Variants in PRDM10 observed in about 807,000 individuals in gnomAD.
The protein encoded by PRDM10 is PR/SET domain 10.
A neutral mutation model predicts 133.1 loss-of-function variants in PRDM10; 65 were observed. The ratio of observed to expected loss-of-function variants is 0.49; its 90% CI spans 0.40 to 0.60. The LOEUF (loss-of-function observed/expected upper bound fraction) is 0.60. PRDM10 is among the 20% of genes least tolerant of loss of function. PRDM10 has a pLI of 0.00. For missense variants in PRDM10, 1,137 were observed against 1,507.1 expected (o/e 0.75, Z 4.07); for synonymous variants, 582 against 580.4 (o/e 1.00, Z -0.04).
rs1951786724 is a variant in PRDM10 at position 129,961,045 on chromosome 11, G to A, written c.-81C>T. 1.5e-6 allele frequency: 2 copies of A among 1,349,326 alleles called. No individual in the cohort carries two copies. Among genetic ancestry groups the A allele is most frequent in the African/African-American group, 2.9e-5 (2 of 69,092 alleles). The allele number at this position is 1,349,326 out of a possible 1,614,324, so 83.6% of individuals were successfully genotyped here. A position where few individuals can be genotyped will look rare whatever the true frequency, so the allele number is the denominator to read the frequency against. On this transcript the variant is annotated 5_prime_UTR_variant, in exon 2 of 21. Transcript: ENST00000360871. ...GGACAGTCATCTGTCTACCACACGT[G>A]TGTTCATGAAGGACGGAAAGGTCTG...
chr11:129,967,170 C>T (rs1428957937), intron 1 of PRDM10, among the ~76,000 whole-genome samples: 1 of 152,108 alleles, frequency 6.6e-6, no homozygotes, highest in Non-Finnish European at 1.5e-5. Flanking sequence ...GTGGGTGGAT[C>T]ACGAGGTCAG....
At chr11:129,993,152 G>C (rs1174898294) in intron 1 of PRDM10, among the ~76,000 whole-genome samples, 2 of 152,116 alleles carry the variant, frequency 1.3e-5, no homozygotes, top group African/African-American at 4.8e-5. Flanking sequence ...CAGTGTTCTG[G>C]CACTGTGGCT....
At chr11:129,997,013 G>GC (rs1939099840) in intron 1 of PRDM10, among the ~76,000 whole-genome samples, 1 of 152,140 alleles carries the variant, frequency 6.6e-6, no homozygotes. Flanking sequence ...GAACCTCTTT[G>GC]CCCCTGAGGC....
chr11:129,931,111 G>T lies in PRDM10; in HGVS notation c.1435C>A (p.His479Asn), dbSNP rs2135812465. The T allele has an allele frequency of 6.2e-7, 1 of 1,614,234 alleles. No homozygotes were observed. The highest frequency in any genetic ancestry group is 1.1e-5 in the South Asian group (1 of 91,082). ...QSSLEHEPET[H>N]TLHLQPQHEE... ...TGCTGCGGCTGCAGGTGCAGGGTGT[G>T]AGTTTCTGGTTCATGTTCCAGGGAA... The change falls in exon 11 of 21, where the codon CAC becomes AAC. Residue 479 changes from histidine to asparagine, a missense_variant. By Grantham distance (68) the His-to-Asn change is moderately conservative. This residue lies in a region of PRDM10 where 635 missense variants were observed against 835.2 expected (regional missense o/e 0.76). Coordinates refer to ENST00000360871, the MANE Select transcript of PRDM10 (RefSeq NM_199437.2).
chr11:129,924,900 C>G lies in PRDM10; in HGVS notation c.1860G>C (p.Arg620=). ...GYFTCPTCKK[R]FPDFIQVKKH... ...CACTCACCTGGATAAAATCTGGGAA[C>G]CGTTTCTTACAAGTTGGGCAGGTGA... is the stretch of plus-strand genomic sequence containing the variant. The change falls in exon 12 of 21, where the codon CGG becomes CGC. Residue 620 remains arginine, a synonymous_variant. Coordinates refer to ENST00000360871, the MANE Select transcript of PRDM10 (RefSeq NM_199437.2). The G allele has an allele frequency of 2.5e-6, 4 of 1,604,906 alleles. No individual in the cohort carries two copies. The South Asian group carries it at 4.5e-5, about 18-fold the overall frequency.
intron 1 of PRDM10, among the ~76,000 whole-genome samples, chr11:129,997,363 C>A (rs1188537217): frequency 6.6e-6 from 1 of 150,750 alleles, no homozygotes; most frequent in Non-Finnish European, 1.5e-5. Flanking sequence ...ACCTGTACTG[C>A]CAGCTACTTG....
chr11:130,002,176 G>A (rs902132665), intron 1 of PRDM10, among the ~76,000 whole-genome samples: 1 of 148,392 alleles, frequency 6.7e-6, no homozygotes, highest in African/African-American at 2.4e-5. Context: ...TCGGCTCCCG[G>A]CCGGCGGAGA....
In PRDM10 at chr11:129,962,722, AT is replaced by A. The variant is rs535835111; in HGVS notation, c.-118-1641del. Among the ~76,000 whole-genome samples, 133 of 152,298 alleles carry A rather than the reference AT, an allele frequency of 8.7e-4. 1 individual carries two copies. Among genetic ancestry groups the A allele is most frequent in the African/African-American group, 3.0e-3 (124 of 41,566 alleles). On this transcript the variant is annotated intron_variant, in intron 1 of 20. Transcript: ENST00000360871. Reference sequence around the variant, plus strand: ...TTTAAATTATACCCTAATAAAGTTGATTTTTTTTAAAGCATACCTTCCTTAT... The same window carrying A: ...TTTAAATTATACCCTAATAAAGTTGATTTTTTTAAAGCATACCTTCCTTAT...
At chr11:129,926,251 G>A (rs1950675267) in intron 11 of PRDM10, among the ~76,000 whole-genome samples, 1 of 152,118 alleles carries the variant, frequency 6.6e-6, no homozygotes, top group Middle Eastern at 3.2e-3. Context: ...GCCACTACTG[G>A]AAAATCTACT....
At chr11:129,960,034 T>C (rs941480660) in intron 2 of PRDM10, among the ~76,000 whole-genome samples, 1 of 151,914 alleles carries the variant, frequency 6.6e-6, no homozygotes, top group Non-Finnish European at 1.5e-5. Context: ...CTGCTGGGAA[T>C]GGCATGAACC....
chr11:130,001,612 C>G (rs1369353179), intron 1 of PRDM10, among the ~76,000 whole-genome samples: 1 of 152,216 alleles, frequency 6.6e-6, no homozygotes, highest in Admixed American at 6.5e-5. Context: ...TAAAATCCAA[C>G]TCATCCACCA....
intron 20 of PRDM10, among the ~76,000 whole-genome samples, chr11:129,904,388 G>A (rs1356660562): frequency 6.6e-6 from 1 of 151,874 alleles, no homozygotes; most frequent in African/African-American, 2.4e-5. Flanking sequence ...TTATTTTGTG[G>A]CAAAAACATT....
chr11:129,919,283 C>A (rs1250064648), intron 13 of PRDM10, among the ~76,000 whole-genome samples: 6 of 152,190 alleles, frequency 3.9e-5, no homozygotes, highest in Non-Finnish European at 8.8e-5. Context: ...AGGAGAATCA[C>A]TTGAATCTGG....
chr11:129,946,281 A>G (rs949312744), intron 5 of PRDM10, among the ~76,000 whole-genome samples: 1 of 152,028 alleles, frequency 6.6e-6, no homozygotes, highest in Non-Finnish European at 1.5e-5. Context: ...AAAACAAACA[A>G]AAAGAAAAGA....
At chr11:129,944,750 G>A in intron 6 of PRDM10, 21 bp downstream of exon 6, 1 of 1,613,386 alleles carries the variant, frequency 6.2e-7, no homozygotes, top group Non-Finnish European at 8.5e-7. Flanking sequence ...CAGGAGTGAA[G>A]TGTGATAGAG....
rs1231328205 is a variant in PRDM10, at chr11:129,931,271, A to G, written c.1288-13T>C. 8 of 1,612,596 alleles carry G rather than the reference A, an allele frequency of 5.0e-6. No individual in the cohort carries two copies. The highest frequency in any genetic ancestry group is 6.8e-6 in the Non-Finnish European group (8 of 1,178,934). On this transcript the variant is annotated splice_polypyrimidine_tract_variant and intron_variant, in intron 10 of 20. Transcript: ENST00000360871. ...AATGTAGCAAGTCCTGAAATTTGCAATAACCAGGAATAGAGATCAGTGCCG... is the reference window on the plus strand; with the variant it reads ...AATGTAGCAAGTCCTGAAATTTGCAGTAACCAGGAATAGAGATCAGTGCCG...
rs1939293794 is a variant in PRDM10, at chr11:130,000,542, A to G, written c.-119+2180T>C. On this transcript the variant is annotated intron_variant, in intron 1 of 20. Transcript: ENST00000360871. ...GAACCTTGCTTTTTCTAAAATATAT[A>G]CTCAATTACATTGACATACAATATA... 1.3e-5 allele frequency among the ~76,000 whole-genome samples: 2 copies of G among 152,166 alleles called. 1 individual carries two copies. The highest frequency in any genetic ancestry group is 2.9e-5 in the Non-Finnish European group (2 of 68,046).
At chr11:129,926,291 T>C (rs1455359310) in intron 11 of PRDM10, among the ~76,000 whole-genome samples, 1 of 152,108 alleles carries the variant, frequency 6.6e-6, no homozygotes, top group Admixed American at 6.5e-5. Context: ...ATCGACAAAA[T>C]CACCTCACAC....
chr11:129,990,784 CCTCA>C (rs1263260055), intron 1 of PRDM10, among the ~76,000 whole-genome samples: 1 of 152,056 alleles, frequency 6.6e-6, no homozygotes, highest in Admixed American at 6.6e-5. Context: ...CTCACTTTTT[CCTCA>C]CTTTTTTTTC....
Sources: gnomAD v4.1 joint callset for allele counts (sites outside exome capture counted in the v4.1 genomes callset) on GRCh38, gnomAD v4.1.1 for gene constraint, gnomAD v4.1.1 regional missense constraint, MANE v1.5 for transcripts, NCBI Gene and HGNC (gene_info 2026-07-23, HGNC 2026-07-21) for gene names.